Variants in OR51A7 observed in about 807,000 individuals in gnomAD.
The protein encoded by OR51A7 is olfactory receptor family 51 subfamily A member 7.
For synonymous variants in OR51A7, 143 were observed against 135.5 expected, an observed-to-expected ratio of 1.05 and a Z score of -0.38; for missense variants, 409 against 374.5, an observed-to-expected ratio of 1.09 and a Z score of -0.76.
intron 1 of OR51A7, among the ~76,000 whole-genome samples, chr11:4,906,808 G>A (rs1040691555): frequency 1.2e-4 from 18 of 152,156 alleles, no homozygotes; most frequent in South Asian, 2.1e-4. Flanking sequence ...TTAAAAAGTA[G>A]GGCCAGATGC....
Position 4,907,411 on chromosome 11 carries a change from G to T in OR51A7, c.42G>T (p.Leu14=). 6.2e-7 allele frequency: 1 copy of T among 1,613,754 alleles called. No homozygotes were observed. The highest frequency in any genetic ancestry group is 8.5e-7 in the Non-Finnish European group (1 of 1,179,946). Residue 14 remains leucine, a synonymous_variant, in exon 2 of 2, where the codon CTG becomes CTT. Transcript: ENST00000641490. ...ACTCCGAAGTCAAGCTTTTCCTTCT[G>T]ATTGGGATCCCAGGACTGGAACATG... ...LNNSEVKLFL[L]IGIPGLEHAH... is the part of the protein sequence containing the mutation.
intron 1 of OR51A7, among the ~76,000 whole-genome samples, chr11:4,905,085 A>G (rs1001683604): frequency 6.6e-6 from 1 of 152,176 alleles, no homozygotes; most frequent in Admixed American, 6.5e-5. Flanking sequence ...AATAAAAAGG[A>G]ATAAGAGTTA....
intron 1 of OR51A7, among the ~76,000 whole-genome samples, chr11:4,905,598 C>T (rs1028616301): frequency 6.6e-6 from 1 of 152,084 alleles, no homozygotes. Context: ...TTGTCTTCTT[C>T]TCTCTAGCCT....
In OR51A7 at chr11:4,908,037, C is replaced by T; in HGVS notation, c.668C>T (p.Thr223Ile). The T allele has an allele frequency of 6.2e-7, 1 of 1,614,154 alleles. No individual in the cohort carries two copies. Residue 223 changes from threonine to isoleucine, a missense_variant, in exon 2 of 2, where the codon ACT becomes ATT. Thr to Ile is a moderately conservative substitution (Grantham distance 89). Transcript: ENST00000641490. ...TTGTCTTATGTGCTGATCTTGAAGA[C>T]TATACTCAGCATTGCATCTTTGGCA... ...IVLSYVLILK[T>I]ILSIASLAER...
rs1294927467 is a variant in OR51A7, at chr11:4,908,346, G to A, written c.*38G>A. 5.9e-6 allele frequency: 9 copies of A among 1,538,440 alleles called. No individual in the cohort carries two copies. Among genetic ancestry groups the A allele is most frequent in the Non-Finnish European group, 8.1e-6 (9 of 1,113,014 alleles). ...TTAGGTAATAAATTATCAACCAGTA[G>A]GCATTTACTGTCATTTGCTATGTGC... On this transcript the variant is annotated 3_prime_UTR_variant, in exon 2 of 2. Coordinates refer to ENST00000641490, the MANE Select transcript of OR51A7 (RefSeq NM_001004749.2).
Position 4,908,036 on chromosome 11 carries a change from A to G in OR51A7, c.667A>G (p.Thr223Ala). ...TTTGTCTTATGTGCTGATCTTGAAG[A>G]CTATACTCAGCATTGCATCTTTGGC... Reference protein sequence around the residue: ...IVLSYVLILKTILSIASLAER... With the variant: ...IVLSYVLILKAILSIASLAER... The change falls in exon 2 of 2, where the codon ACT (threonine) becomes GCT (alanine). Residue 223 changes from threonine (T) to alanine (A), a missense_variant. Coordinates refer to ENST00000641490, the MANE Select transcript of OR51A7 (RefSeq NM_001004749.2). The G allele has an allele frequency of 1.2e-6, 2 of 1,614,116 alleles. No homozygotes were observed. The highest frequency in any genetic ancestry group is 1.6e-4 in the Middle Eastern group (1 of 6,062).
rs573952246 is a variant in OR51A7 at position 4,908,530 on chromosome 11, G to A, written c.*222G>A. 17 of 559,400 alleles carry A rather than the reference G, an allele frequency of 3.0e-5. No individual in the cohort carries two copies. The East Asian group carries it at 4.6e-4, about 15-fold the overall frequency. 34.7% of individuals were successfully genotyped at this position (559,400 alleles called of 1,614,324 possible). A position where few individuals can be genotyped will look rare whatever the true frequency, so the allele number is the denominator to read the frequency against. On this transcript the variant is annotated 3_prime_UTR_variant, in exon 2 of 2. Transcript: ENST00000641490. ...AGGTTTAATTAACATTTTAAGGGAAGTTGAAGGAAAATACTTCTGTGATGG... is the reference window on the plus strand; with the variant it reads ...AGGTTTAATTAACATTTTAAGGGAAATTGAAGGAAAATACTTCTGTGATGG...
Position 4,908,318 on chromosome 11 carries a change from C to T in OR51A7, c.*10C>T. 6.2e-7 allele frequency: 1 copy of T among 1,606,044 alleles called. No homozygotes were observed. On this transcript the variant is annotated 3_prime_UTR_variant, in exon 2 of 2. Coordinates refer to ENST00000641490, the MANE Select transcript of OR51A7 (RefSeq NM_001004749.2). ...TGTATGTGGGAGATAAGAACTTGAA[C>T]AATTAGGTAATAAATTATCAACCAG...
In OR51A7 at chr11:4,908,427, T is replaced by C. The variant is rs1170276754; in HGVS notation, c.*119T>C. ...TGGATGATGGAAGTGAAAAGCTATGTAGTGCAGAATTTATAATAAAGTTGA... is the reference window on the plus strand; with the variant it reads ...TGGATGATGGAAGTGAAAAGCTATGCAGTGCAGAATTTATAATAAAGTTGA... On this transcript the variant is annotated 3_prime_UTR_variant, in exon 2 of 2. Transcript: ENST00000641490. The C allele has an allele frequency of 1.2e-6, 1 of 828,900 alleles. No homozygotes were observed. Among genetic ancestry groups the C allele is most frequent in the African/African-American group, 1.7e-5 (1 of 59,082 alleles). The allele number at this position is 828,900 out of a possible 1,614,324, so 51.3% of individuals were successfully genotyped here.
intron 1 of OR51A7, among the ~76,000 whole-genome samples, chr11:4,905,111 G>C (rs774228072): frequency 2.0e-5 from 3 of 152,126 alleles, no homozygotes; most frequent in Admixed American, 6.5e-5. Context: ...ATTCAGAGGT[G>C]AGAACTTATT....
rs778302700 is a variant in OR51A7 at position 4,907,437 on chromosome 11, C to A, written c.68C>A (p.Ala23Asp). The change falls in exon 2 of 2, where the codon GCC (alanine) becomes GAC (aspartate). Residue 23 changes from alanine (A) to aspartate (D), a missense_variant. Transcript: ENST00000641490. The part of the protein sequence containing the change: ...LLIGIPGLEH[A>D]HIWFSIPICL... ...ATTGGGATCCCAGGACTGGAACATG[C>A]CCACATTTGGTTCTCCATCCCCATT... 1 of 1,613,848 alleles carries A rather than the reference C, an allele frequency of 6.2e-7. No homozygotes were observed. The highest frequency in any genetic ancestry group is 8.5e-7 in the Non-Finnish European group (1 of 1,179,902).
chr11:4,905,915 T>C (rs1850880676), intron 1 of OR51A7, among the ~76,000 whole-genome samples: 1 of 152,220 alleles, frequency 6.6e-6, no homozygotes, highest in African/African-American at 2.4e-5. Flanking sequence ...AAAATTTTAA[T>C]GCTTCATTTC....
chr11:4,907,245 A>G (rs1177488302), intron 1 of OR51A7, 94 bp from the exon 2 acceptor site: 8 of 610,660 alleles, frequency 1.3e-5, no homozygotes, highest in South Asian at 4.3e-5. Context: ...GCAGCCAAAT[A>G]TGCCTTTGAG....
In OR51A7 at chr11:4,908,578, C is replaced by G. The variant is rs563189630; in HGVS notation, c.*270C>G. On this transcript the variant is annotated 3_prime_UTR_variant, in exon 2 of 2. Transcript: ENST00000641490. ...TGGAGCAGCTGGATTTGAGTCAACCCATAAAGAATGAATACAATTTGGGCA... is the reference window on the plus strand; with the variant it reads ...TGGAGCAGCTGGATTTGAGTCAACCGATAAAGAATGAATACAATTTGGGCA... 2.1e-6 allele frequency: 1 copy of G among 476,348 alleles called. No homozygotes were observed. The highest frequency in any genetic ancestry group is 3.8e-6 in the Non-Finnish European group (1 of 261,736). The allele number at this position is 476,348 out of a possible 1,614,324, so 29.5% of individuals were successfully genotyped here. A position where few individuals can be genotyped will look rare whatever the true frequency, so the allele number is the denominator to read the frequency against.
At position 4,908,562 on chromosome 11, in the gene OR51A7, T is replaced by G. The variant is rs894123873; in HGVS notation, c.*254T>G. The G allele has an allele frequency of 2.0e-6, 1 of 507,342 alleles. No individual in the cohort carries two copies. The highest frequency in any genetic ancestry group is 3.6e-6 in the Non-Finnish European group (1 of 280,514). The allele number at this position is 507,342 out of a possible 1,614,324, so 31.4% of individuals were successfully genotyped here. On this transcript the variant is annotated 3_prime_UTR_variant, in exon 2 of 2. Transcript: ENST00000641490. ...GAAAATACTTCTGTGATGGAGCAGCTGGATTTGAGTCAACCCATAAAGAAT... is the reference window on the plus strand; with the variant it reads ...GAAAATACTTCTGTGATGGAGCAGCGGGATTTGAGTCAACCCATAAAGAAT...
intron 1 of OR51A7, among the ~76,000 whole-genome samples, chr11:4,904,560 T>C (rs558752625): frequency 6.6e-6 from 1 of 152,226 alleles, no homozygotes; most frequent in Admixed American, 6.5e-5. Flanking sequence ...ATTATGTACA[T>C]TTTTACTGTA....
chr11:4,908,320 A>T lies in OR51A7; in HGVS notation c.*12A>T. 6.2e-7 allele frequency: 1 copy of T among 1,605,194 alleles called. No homozygotes were observed. The highest frequency in any genetic ancestry group is 1.1e-5 in the South Asian group (1 of 90,906). On this transcript the variant is annotated 3_prime_UTR_variant, in exon 2 of 2. Transcript: ENST00000641490. ...TATGTGGGAGATAAGAACTTGAACA[A>T]TTAGGTAATAAATTATCAACCAGTA... is the stretch of plus-strand genomic sequence containing the variant.
rs778025786 is a variant in OR51A7 at position 4,908,122 on chromosome 11, T to A, written c.753T>A (p.Tyr251Ter). 1.1e-5 allele frequency: 17 copies of A among 1,614,096 alleles called. No individual in the cohort carries two copies. The highest frequency in any genetic ancestry group is 1.4e-5 in the Non-Finnish European group (17 of 1,180,036). Residue 251 changes from tyrosine (Y) to a stop codon, truncating the protein, a stop_gained, in exon 2 of 2, where the codon TAT (tyrosine) becomes TAA (stop). Transcript: ENST00000641490. LOFTEE classifies it low-confidence loss of function (END_TRUNC). ...VSHICAVLTF[Y>*]VPIITLAAMH... is the part of the protein sequence containing the mutation. ...ACATCTGTGCTGTGCTCACCTTCTA[T>A]GTGCCCATCATCACCCTGGCTGCCA... is the stretch of plus-strand genomic sequence containing the variant.
chr11:4,906,923 C>G (rs1230353989), intron 1 of OR51A7, among the ~76,000 whole-genome samples: 2 of 151,764 alleles, frequency 1.3e-5, no homozygotes, highest in African/African-American at 4.8e-5. Context: ...AAACCCATCT[C>G]TACTAAGAAT....
Sources: allele counts gnomAD v4.1 joint callset (sites outside exome capture counted in the v4.1 genomes callset), GRCh38; gene constraint gnomAD v4.1.1; transcripts MANE v1.5; gene names NCBI Gene and HGNC (gene_info 2026-07-23, HGNC 2026-07-21).